Variants in RINT1 observed in about 807,000 individuals in gnomAD.
RINT1 encodes the protein RAD50-interacting protein 1.
A neutral mutation model predicts 97.7 loss-of-function variants in RINT1; 75 were observed. That is an observed-to-expected ratio of 0.77 (90% CI 0.64 to 0.93). The LOEUF (loss-of-function observed/expected upper bound fraction) is 0.93, where lower values mean the gene tolerates loss of function less well. RINT1 is among the 40% of genes least tolerant of loss of function. RINT1 has a pLI of 0.00. For synonymous variants in RINT1, 303 were observed against 326.3 expected (o/e 0.93, Z 0.77); for missense variants, 892 against 925.2 (o/e 0.96, Z 0.47).
intron 14 of RINT1, 26 bp from the exon 15 acceptor site, chr7:105,567,093 T>G (rs1375999016): frequency 5.6e-6 from 8 of 1,430,532 alleles, no homozygotes; most frequent in Non-Finnish European, 7.4e-6. Context: ...GAGATCTCAT[T>G]TCCCTCCTTT....
rs1275283448 is a variant in RINT1 at position 105,551,552 on chromosome 7, GT to G, written c.1334-14del. 2.6e-6 allele frequency: 4 copies of G among 1,568,538 alleles called. No individual in the cohort carries two copies. The highest frequency in any genetic ancestry group is 2.0e-5 in the Admixed American group (1 of 51,146). On this transcript the variant is annotated splice_polypyrimidine_tract_variant and intron_variant, in intron 9 of 14. Transcript: ENST00000257700. ...CTGTAACTACTTAATTGACATAATT[GT>G]TTTGTCTGCTTATCAGTTGCTCTTC... is the stretch of plus-strand genomic sequence containing the variant.
At chr7:105,532,401 A>G (rs1376237565) in intron 1 of RINT1, 44 bp downstream of exon 1, 5 of 1,580,658 alleles carry the variant, frequency 3.2e-6, no homozygotes, top group Non-Finnish European at 4.3e-6. Context: ...TTGGTGGCCC[A>G]TTGAGGTGGC....
rs1562851056 is a variant in RINT1, at chr7:105,551,575, C to G, written c.1339C>G (p.Leu447Val). Reference protein sequence around the residue: ...RWLTVERKFALQKMDSMLSSE... With the variant: ...RWLTVERKFAVQKMDSMLSSE... ...TTGTTTTGTCTGCTTATCAGTTGCT[C>G]TTCAAAAAATGGACTCAATGCTTTC... The change falls in exon 10 of 15, where the codon CTT becomes GTT. Residue 447 changes from leucine (L) to valine (V), a missense_variant. Transcript: ENST00000257700. 1.3e-6 allele frequency: 2 copies of G among 1,596,138 alleles called. No homozygotes were observed. The highest frequency in any genetic ancestry group is 3.5e-5 in the Admixed American group (2 of 56,850).
At position 105,532,369 on chromosome 7, in the gene RINT1, C is replaced by T. The variant is rs1790068576; in HGVS notation, c.42+12C>T. 1 of 1,599,466 alleles carries T rather than the reference C, an allele frequency of 6.3e-7. No individual in the cohort carries two copies. Among genetic ancestry groups the T allele is most frequent in the Non-Finnish European group, 8.5e-7 (1 of 1,174,602 alleles). ...CTCCTGCAGCCCCGGTGAGACGGCC[C>T]TGGCGTCCCTGGGAGGGGACATTGG... On this transcript the variant is annotated intron_variant, in intron 1 of 14. Coordinates refer to ENST00000257700, the MANE Select transcript of RINT1 (RefSeq NM_021930.6).
Position 105,555,247 on chromosome 7 carries a change from T to A in RINT1, c.1671+20T>A, listed in dbSNP as rs143835397. 147 of 1,580,248 alleles carry A rather than the reference T, an allele frequency of 9.3e-5. No individual in the cohort carries two copies. In the African/African-American group the frequency reaches 1.9e-3, roughly 20 times the overall value. On this transcript the variant is annotated intron_variant, in intron 11 of 14. Transcript: ENST00000257700. ...AATGTTGTGAGTTAATATGCTTTTATATTAAGTAATATATACTAGTTCGAA... is the reference window on the plus strand; with the variant it reads ...AATGTTGTGAGTTAATATGCTTTTAAATTAAGTAATATATACTAGTTCGAA...
At position 105,551,659 on chromosome 7, in the gene RINT1, G is replaced by A. The variant is rs1198660938; in HGVS notation, c.1423G>A (p.Val475Ile). ...KDITDVDEMK[V>I]PDCAETFMTL... ...TATCACTGACGTGGATGAAATGAAA[G>A]TTCCAGATTGTGCAGAAACTTTTAT... is the stretch of plus-strand genomic sequence containing the variant. Residue 475 changes from valine (V) to isoleucine (I), a missense_variant, in exon 10 of 15, where the codon GTT (valine) becomes ATT (isoleucine). Transcript: ENST00000257700. The A allele has an allele frequency of 6.2e-7, 1 of 1,612,610 alleles. No individual in the cohort carries two copies. Among genetic ancestry groups the A allele is most frequent in the South Asian group, 1.1e-5 (1 of 90,782 alleles).
At chr7:105,559,912 A>G (rs1007643438) in intron 11 of RINT1, among the ~76,000 whole-genome samples, 2 of 152,250 alleles carry the variant, frequency 1.3e-5, no homozygotes, top group Non-Finnish European at 2.9e-5. Flanking sequence ...TTCTCTACTG[A>G]TAACTGTCTG....
chr7:105,567,316 T>C lies in RINT1; in HGVS notation c.*5T>C, dbSNP rs1173441214. 1 of 1,571,078 alleles carries C rather than the reference T, an allele frequency of 6.4e-7. No homozygotes were observed. The highest frequency in any genetic ancestry group is 1.4e-5 in the African/African-American group (1 of 72,888). The stretch of plus-strand genomic sequence containing the variant: ...TGGCCTAATACTGGAAAATAATGTC[T>C]TTCAGAAAAAGGTTTCTTTGGTTTT... On this transcript the variant is annotated 3_prime_UTR_variant, in exon 15 of 15. Coordinates refer to ENST00000257700, the MANE Select transcript of RINT1 (RefSeq NM_021930.6).
chr7:105,538,612 C>T (rs1790338062), intron 3 of RINT1, among the ~76,000 whole-genome samples: 1 of 152,212 alleles, frequency 6.6e-6, no homozygotes, highest in Admixed American at 6.5e-5. Flanking sequence ...GGAACGTCAG[C>T]TCCTCTGCTA....
At chr7:105,556,130 G>C (rs747738508) in intron 11 of RINT1, among the ~76,000 whole-genome samples, 38 of 150,642 alleles carry the variant, frequency 2.5e-4, no homozygotes, top group Non-Finnish European at 5.2e-4. Flanking sequence ...GCAATGGTGC[G>C]ATCTCGGCTC....
At chr7:105,566,076 T>C (rs1481434488) in intron 14 of RINT1, among the ~76,000 whole-genome samples, 1 of 151,422 alleles carries the variant, frequency 6.6e-6, no homozygotes, top group Admixed American at 6.6e-5. Flanking sequence ...GAGACCATCC[T>C]GGCTAACATA....
rs1791811177 is a variant in RINT1, at chr7:105,567,323, A to G, written c.*12A>G. 6.4e-7 allele frequency: 1 copy of G among 1,562,656 alleles called. No homozygotes were observed. The highest frequency in any genetic ancestry group is 1.4e-5 in the African/African-American group (1 of 72,732). On this transcript the variant is annotated 3_prime_UTR_variant, in exon 15 of 15. Coordinates refer to ENST00000257700, the MANE Select transcript of RINT1 (RefSeq NM_021930.6). ...ATACTGGAAAATAATGTCTTTCAGA[A>G]AAAGGTTTCTTTGGTTTTTGTTTCT...
chr7:105,565,369 T>C lies in RINT1; in HGVS notation c.1979T>C (p.Leu660Pro). The change falls in exon 13 of 15, where the codon CTT becomes CCT. Residue 660 changes from leucine to proline, a missense_variant. Physicochemically the swap from Leu to Pro is moderately conservative, Grantham distance 98 (BLOSUM62 -3). Transcript: ENST00000257700. ...CTGCTGACGTTACGAGACCATTTAC[T>C]TCAGTTGGAGCAGCAGCTTTGTTTC... is the stretch of plus-strand genomic sequence containing the variant. ...PLLLTLRDHLLQLEQQLCFSL... is the reference protein window; with the variant it reads ...PLLLTLRDHLPQLEQQLCFSL... The C allele has an allele frequency of 6.2e-7, 1 of 1,614,230 alleles. No individual in the cohort carries two copies. The highest frequency in any genetic ancestry group is 1.1e-5 in the South Asian group (1 of 91,088).
intron 10 of RINT1, among the ~76,000 whole-genome samples, chr7:105,553,420 C>A (rs1303638794): frequency 6.6e-6 from 1 of 150,644 alleles, no homozygotes; most frequent in Non-Finnish European, 1.5e-5. Flanking sequence ...ACTAAAAATA[C>A]AAAAATTTAC....
At chr7:105,539,940 A>G (rs975454598) in intron 3 of RINT1, among the ~76,000 whole-genome samples, 3 of 152,222 alleles carry the variant, frequency 2.0e-5, no homozygotes, top group Non-Finnish European at 4.4e-5. Context: ...TTTCTAGCGC[A>G]GTGCCTGGTA....
intron 11 of RINT1, among the ~76,000 whole-genome samples, chr7:105,563,459 C>A (rs113040344): frequency 0.051 from 7,701 of 152,054 alleles, 685 homozygotes; most frequent in African/African-American, 0.17. Context: ...CTTCCAGGTT[C>A]AAGCTAGGAT....
intron 11 of RINT1, among the ~76,000 whole-genome samples, 179 bp from the exon 12 acceptor site, chr7:105,563,554 A>C (rs867496843): frequency 2.6e-5 from 4 of 151,682 alleles, no homozygotes; most frequent in Middle Eastern, 3.2e-3. Flanking sequence ...ATGGTTTCGA[A>C]CTCCTGACCT....
intron 2 of RINT1, chr7:105,535,644 C>T (rs1790202467): frequency 4.5e-6 from 2 of 444,392 alleles, no homozygotes. Context: ...CCTCCATCTC[C>T]CAGGCTGCTC....
At chr7:105,542,980 G>A (rs990530411) in intron 4 of RINT1, among the ~76,000 whole-genome samples, 4 of 151,734 alleles carry the variant, frequency 2.6e-5, no homozygotes, top group African/African-American at 7.3e-5. Context: ...CACCTCCCGG[G>A]TTCATGCCAT....
Sources: gnomAD v4.1 joint callset for allele counts (sites outside exome capture counted in the v4.1 genomes callset) on GRCh38, gnomAD v4.1.1 for gene constraint, MANE v1.5 for transcripts, NCBI Gene and HGNC (gene_info 2026-07-23, HGNC 2026-07-21) for gene names.